FAM13A: variants seen among roughly 807,000 people sequenced by gnomAD.
The protein encoded by FAM13A is family with sequence similarity 13 member A, also known as protein FAM13A.
In FAM13A, 76 loss-of-function variants were observed where a neutral mutation model predicts 129.6. The ratio of observed to expected loss-of-function variants is 0.59; its 90% CI spans 0.49 to 0.71. The LOEUF (loss-of-function observed/expected upper bound fraction) is 0.71, where lower values mean the gene tolerates loss of function less well. Ranked by LOEUF, FAM13A falls within the 30% of genes least tolerant of loss-of-function variation. The pLI is 0.00. For synonymous variants in FAM13A, 443 were observed against 449.9 expected, an observed-to-expected ratio of 0.98 and a Z score of 0.20; for missense variants, 1,108 against 1,249.3, an observed-to-expected ratio of 0.89 and a Z score of 1.70.
intron 6 of FAM13A, among the ~76,000 whole-genome samples, chr4:88,886,907 CA>C (rs35715502): frequency 9.0e-4 from 130 of 145,146 alleles, no homozygotes; most frequent in African/African-American, 2.5e-3. Context: ...AACTCTATCT[CA>C]AAAAAAAAAA....
intron 4 of FAM13A, among the ~76,000 whole-genome samples, chr4:88,978,781 G>A (rs533126152): frequency 2.6e-5 from 4 of 151,814 alleles, no homozygotes; most frequent in South Asian, 2.1e-4. Flanking sequence ...GCGACAGGGC[G>A]AGACTCCGTC....
chr4:88,836,132 T>C (rs1321997485), intron 7 of FAM13A, among the ~76,000 whole-genome samples: 1 of 152,184 alleles, frequency 6.6e-6, no homozygotes, highest in Non-Finnish European at 1.5e-5. Context: ...TTCTATATTC[T>C]TTCATTGTAA....
At chr4:88,776,267 C>T (rs1360174477) in intron 11 of FAM13A, among the ~76,000 whole-genome samples, 2 of 152,140 alleles carry the variant, frequency 1.3e-5, no homozygotes, top group Non-Finnish European at 2.9e-5. Context: ...ATCATACATA[C>T]ATATGCATGC....
intron 7 of FAM13A, among the ~76,000 whole-genome samples, chr4:88,813,877 G>A (rs1000338446): frequency 6.6e-6 from 1 of 152,068 alleles, no homozygotes; most frequent in African/African-American, 2.4e-5. Context: ...CACAACCACG[G>A]GCAGGTGCTC....
At chr4:88,820,105 T>A (rs1191380798) in intron 7 of FAM13A, among the ~76,000 whole-genome samples, 1 of 152,204 alleles carries the variant, frequency 6.6e-6, no homozygotes, top group African/African-American at 2.4e-5. Context: ...GGCTACAGAT[T>A]AGCAGTAACA....
chr4:88,748,914 T>G (rs374424038), intron 17 of FAM13A, 38 bp downstream of exon 17: 4 of 1,439,072 alleles, frequency 2.8e-6, no homozygotes, highest in Non-Finnish European at 3.9e-6. Context: ...TGCACCTGGC[T>G]TGTTGTACAG....
intron 6 of FAM13A, among the ~76,000 whole-genome samples, chr4:88,858,590 G>C (rs1449390507): frequency 2.0e-5 from 3 of 152,278 alleles, no homozygotes; most frequent in Non-Finnish European, 4.4e-5. Flanking sequence ...ACATGATAGA[G>C]CATAGATGAA....
At chr4:88,789,413 T>C (rs562868142) in intron 9 of FAM13A, among the ~76,000 whole-genome samples, 282 of 152,276 alleles carry the variant, frequency 1.9e-3, no homozygotes, top group Non-Finnish European at 3.5e-3. Flanking sequence ...AATTCTTCTC[T>C]CTTCTCCCTA....
At chr4:88,765,630 C>G (rs1458955244) in intron 13 of FAM13A, among the ~76,000 whole-genome samples, 1 of 152,184 alleles carries the variant, frequency 6.6e-6, no homozygotes, top group East Asian at 1.9e-4. Flanking sequence ...GAAAACAGTT[C>G]TTTTCACTGT....
At chr4:88,757,396 TTTTTC>T in intron 14 of FAM13A, among the ~76,000 whole-genome samples, 1 of 152,308 alleles carries the variant, frequency 6.6e-6, no homozygotes, top group Admixed American at 6.5e-5. Flanking sequence ...GGTTACTGTA[TTTTTC>T]TTTTATTTGG....
chr4:88,998,171 C>A (rs1343408490), intron 3 of FAM13A, among the ~76,000 whole-genome samples: 1 of 152,120 alleles, frequency 6.6e-6, no homozygotes, highest in Admixed American at 6.5e-5. Context: ...AGTAGAGGAA[C>A]CAGTTGAGCC....
At chr4:88,993,154 A>G (rs1763125166) in intron 3 of FAM13A, among the ~76,000 whole-genome samples, 1 of 152,224 alleles carries the variant, frequency 6.6e-6, no homozygotes, top group Non-Finnish European at 1.5e-5. Flanking sequence ...TGTGTTGTTT[A>G]TAATATTTTC....
chr4:88,965,572 TA>T (rs34500736), intron 4 of FAM13A, among the ~76,000 whole-genome samples: 52,863 of 151,290 alleles, frequency 0.35, 9,332 homozygotes, highest in East Asian at 0.47. Context: ...TTTTTTAAGT[TA>T]AAAAAAAACA....
intron 6 of FAM13A, among the ~76,000 whole-genome samples, chr4:88,874,534 T>C (rs1742029480): frequency 1.3e-5 from 2 of 152,162 alleles, no homozygotes; most frequent in Admixed American, 1.3e-4. Flanking sequence ...TGAACTCCCA[T>C]TCACAATTGC....
intron 7 of FAM13A, among the ~76,000 whole-genome samples, chr4:88,845,318 G>A (rs1736459705): frequency 6.6e-6 from 1 of 152,120 alleles, no homozygotes; most frequent in African/African-American, 2.4e-5. Flanking sequence ...GTGAGTTTAA[G>A]GTACATCCTG....
At chr4:88,997,944 A>G (rs560835912) in intron 3 of FAM13A, among the ~76,000 whole-genome samples, 20 of 152,278 alleles carry the variant, frequency 1.3e-4, no homozygotes, top group African/African-American at 3.4e-4. Context: ...GCTGTTGCCA[A>G]CTTTGCAGAT....
chr4:88,905,753 A>G (rs1421319527), intron 6 of FAM13A: 1 of 152,154 alleles, frequency 6.6e-6, no homozygotes, highest in African/African-American at 2.4e-5. Context: ...CACAATTGTT[A>G]TTGAGCAGAA....
intron 6 of FAM13A, among the ~76,000 whole-genome samples, chr4:88,896,295 A>AGC (rs1746303443): frequency 6.7e-6 from 1 of 149,436 alleles, no homozygotes; most frequent in Non-Finnish European, 1.5e-5. Flanking sequence ...GGGGAGGGAT[A>AGC]CCATTGGGAG....
chr4:88,859,960 C>A (rs982792911), intron 6 of FAM13A, among the ~76,000 whole-genome samples: 1 of 152,140 alleles, frequency 6.6e-6, no homozygotes, highest in African/African-American at 2.4e-5. Flanking sequence ...ATTCAAAATA[C>A]TATTTTCCTT....
Sources: allele counts gnomAD v4.1 joint callset (sites outside exome capture counted in the v4.1 genomes callset), GRCh38; gene constraint gnomAD v4.1.1; transcripts MANE v1.5; gene names NCBI Gene and HGNC (gene_info 2026-07-23, HGNC 2026-07-21).